GPC4: variants seen among roughly 807,000 people sequenced by gnomAD.
GPC4 encodes glypican-4.
In GPC4, 10 loss-of-function variants were observed where a neutral mutation model predicts 35.0. The ratio of observed to expected loss-of-function variants is 0.29; its 90% confidence interval spans 0.18 to 0.48. GPC4 has a LOEUF of 0.48. Ranked by LOEUF, GPC4 falls within the 20% of genes least tolerant of loss-of-function variation. GPC4 has a pLI of 0.99. For synonymous variants in GPC4, 167 were observed against 170.2 expected, an observed-to-expected ratio of 0.98 and a Z score of 0.15; for missense variants, 322 against 451.3, an observed-to-expected ratio of 0.71 and a Z score of 2.60.
intron 1 of GPC4, among the ~76,000 whole-genome samples, chrX:133,403,021 G>C (rs2068772932): frequency 9.0e-6 from 1 of 111,048 alleles, no homozygotes; most frequent in South Asian, 3.9e-4. Flanking sequence ...TGTCTACCGG[G>C]ATTAAAACAA....
At chrX:133,325,238 G>T (rs1188601387) in intron 2 of GPC4, among the ~76,000 whole-genome samples, 1 of 110,595 alleles carries the variant, frequency 9.0e-6, no homozygotes, top group Non-Finnish European at 1.9e-5. Flanking sequence ...AACATCATGA[G>T]ACTCTTTTCA....
intron 2 of GPC4, among the ~76,000 whole-genome samples, chrX:133,337,636 C>G (rs755527712): frequency 9.0e-6 from 1 of 111,019 alleles, no homozygotes; most frequent in South Asian, 3.8e-4. Flanking sequence ...CTTAAGTTTT[C>G]AAAAATGACC....
intron 1 of GPC4, among the ~76,000 whole-genome samples, chrX:133,370,292 A>G (rs1603084962): frequency 8.9e-6 from 1 of 112,154 alleles, no homozygotes; most frequent in South Asian, 3.7e-4. Flanking sequence ...CTGTTAACCC[A>G]AAACAAAACA....
chrX:133,326,225 G>A (rs2068392841), intron 2 of GPC4, among the ~76,000 whole-genome samples: 1 of 111,329 alleles, frequency 9.0e-6, no homozygotes, highest in Non-Finnish European at 1.9e-5. Flanking sequence ...CCCTGAAAGT[G>A]AGAGGGCAGA....
At chrX:133,402,861 C>T (rs1386764076) in intron 1 of GPC4, among the ~76,000 whole-genome samples, 7 of 105,602 alleles carry the variant, frequency 6.6e-5, no homozygotes, top group African/African-American at 1.7e-4. Flanking sequence ...TGAGATTATG[C>T]CATTGCACTC....
At chrX:133,339,530 T>C (rs145485890) in intron 1 of GPC4, among the ~76,000 whole-genome samples, 189 bp from the exon 2 acceptor site, 1,365 of 111,294 alleles carry the variant, frequency 0.012, 24 homozygotes, top group African/African-American at 0.042. Flanking sequence ...AATAAAGCCC[T>C]CTCCAAAAAG....
chrX:133,382,424 CA>C (rs1284709655), intron 1 of GPC4, among the ~76,000 whole-genome samples: 114 of 15,628 alleles, frequency 7.3e-3, no homozygotes, highest in African/African-American at 8.3e-3. Context: ...GACTCCGTCT[CA>C]AAAAAAAAAA....
intron 3 of GPC4, among the ~76,000 whole-genome samples, chrX:133,322,553 C>T (rs1433846524): frequency 1.3e-5 from 1 of 79,307 alleles, no homozygotes; most frequent in Non-Finnish European, 2.2e-5. Context: ...GAGTGAGACT[C>T]TATCAAAAAA....
chrX:133,398,726 C>T (rs1001997032), intron 1 of GPC4, among the ~76,000 whole-genome samples: 2 of 108,875 alleles, frequency 1.8e-5, no homozygotes, highest in African/African-American at 6.7e-5. Flanking sequence ...CAAGATTGTG[C>T]CACTGCACTT....
intron 2 of GPC4, among the ~76,000 whole-genome samples, chrX:133,327,231 C>T (rs2068398076): frequency 8.9e-6 from 1 of 111,794 alleles, no homozygotes; most frequent in African/African-American, 3.2e-5. Flanking sequence ...CTTTCAGACT[C>T]ATTTAGTAAG....
At chrX:133,352,309 T>C (rs1272722890) in intron 1 of GPC4, among the ~76,000 whole-genome samples, 2 of 111,812 alleles carry the variant, frequency 1.8e-5, no homozygotes, top group African/African-American at 3.3e-5. Context: ...ATGTCCATTT[T>C]TGAGACAACC....
At chrX:133,386,653 C>G (rs1053495423) in intron 1 of GPC4, among the ~76,000 whole-genome samples, 2 of 111,484 alleles carry the variant, frequency 1.8e-5, no homozygotes, top group African/African-American at 3.3e-5. Context: ...GTTTTAAGGA[C>G]CATCTCAATA....
intron 1 of GPC4, among the ~76,000 whole-genome samples, chrX:133,363,155 A>T (rs1711713266): frequency 9.0e-6 from 1 of 111,579 alleles, no homozygotes; most frequent in South Asian, 3.8e-4. Flanking sequence ...AAAATCTTTT[A>T]TTATTATCAT....
In GPC4 at chrX:133,410,902, G is replaced by A. The variant is rs1387013562; in HGVS notation, c.160+3904C>T. ...AGTGATAGGCCCTGTGGCTCAATTC[G>A]ACCCTCCCCAAGTGAAACACAGAGC... On this transcript the variant is annotated intron_variant, in intron 1 of 8. Transcript: ENST00000370828. 8.9e-5 allele frequency among the ~76,000 whole-genome samples: 10 copies of A among 111,771 alleles called. No individual in the cohort carries two copies. The South Asian group carries it at 3.4e-3, about 38-fold the overall frequency.
At chrX:133,394,397 C>G (rs1165477079) in intron 1 of GPC4, among the ~76,000 whole-genome samples, 2 of 111,035 alleles carry the variant, frequency 1.8e-5, no homozygotes, top group African/African-American at 6.6e-5. Context: ...AAACATTTAT[C>G]CTATGATAAA....
intron 2 of GPC4, among the ~76,000 whole-genome samples, chrX:133,330,874 T>A (rs1317500940): frequency 9.0e-6 from 1 of 110,784 alleles, no homozygotes; most frequent in South Asian, 3.9e-4. Flanking sequence ...GCCCAGGAGT[T>A]CAGGCTGCAG....
At position 133,338,787 on chromosome X, in the gene GPC4, GA is replaced by G. The variant is rs757606952; in HGVS notation, c.319+395del. Among the ~76,000 whole-genome samples, 3 of 111,308 alleles carry G rather than the reference GA, an allele frequency of 2.7e-5. No individual in the cohort carries two copies. In the Admixed American group the frequency reaches 2.9e-4, roughly 11 times the overall value. On this transcript the variant is annotated intron_variant, in intron 2 of 8. Coordinates refer to ENST00000370828, the MANE Select transcript of GPC4 (RefSeq NM_001448.3). The stretch of plus-strand genomic sequence containing the variant: ...CTAGTTGTCTTTGGGGATCCATTTT[GA>G]AATTTAATTTGAAGTCCAGCATCTG...
chrX:133,393,271 CAT>C lies in GPC4; in HGVS notation c.160+21533_160+21534del, dbSNP rs201796223. ...TATTTTTAAAAGTGAGACACACAGA[CAT>C]GTGGGAAACCCTCTTCCAATCAAAA... On this transcript the variant is annotated intron_variant, in intron 1 of 8. Coordinates refer to ENST00000370828, the MANE Select transcript of GPC4 (RefSeq NM_001448.3). Among the ~76,000 whole-genome samples the C allele has an allele frequency of 2.7e-3, 301 of 111,116 alleles. 1 individual carries two copies. The highest frequency in any genetic ancestry group is 9.2e-3 in the African/African-American group (280 of 30,539).
intron 1 of GPC4, among the ~76,000 whole-genome samples, chrX:133,372,788 G>A (rs2068618668): frequency 8.9e-6 from 1 of 112,208 alleles, no homozygotes; most frequent in Admixed American, 9.4e-5. Flanking sequence ...CTTAGTGTGT[G>A]GCTTTTAAAG....
Sources: allele counts gnomAD v4.1 joint callset (sites outside exome capture counted in the v4.1 genomes callset), GRCh38; gene constraint gnomAD v4.1.1; transcripts MANE v1.5; gene names NCBI Gene and HGNC (gene_info 2026-07-23, HGNC 2026-07-21).